The following SLC38A6 variants were observed in gnomAD, a reference collection of about 807,000 sequenced individuals.
SLC38A6 encodes N system amino acid transporter NAT-1.
A neutral mutation model predicts 65.0 loss-of-function variants in SLC38A6; 73 were observed. The ratio of observed to expected loss-of-function variants is 1.12; its 90% CI spans 0.93 to 1.37. The LOEUF is 1.37. SLC38A6 is among the 40% of genes most tolerant of loss of function. The pLI is 0.00. For synonymous variants in SLC38A6, 183 were observed against 178.8 expected, an observed-to-expected ratio of 1.02 and a Z score of -0.19; for missense variants, 561 against 531.1, an observed-to-expected ratio of 1.06 and a Z score of -0.55.
At chr14:61,005,870 G>A (rs1031134152) in intron 3 of SLC38A6, among the ~76,000 whole-genome samples, 2 of 152,126 alleles carry the variant, frequency 1.3e-5, no homozygotes, top group Non-Finnish European at 2.9e-5. Flanking sequence ...GCATTGCCAA[G>A]TCAATCCTAA....
intron 3 of SLC38A6, among the ~76,000 whole-genome samples, chr14:61,006,215 C>G (rs1408141971): frequency 2.6e-5 from 4 of 152,108 alleles, no homozygotes; most frequent in Non-Finnish European, 5.9e-5. Context: ...GATCTAAAAC[C>G]ATAAAAACCC....
chr14:60,988,232 G>C (rs2037598392), intron 3 of SLC38A6, among the ~76,000 whole-genome samples: 1 of 152,084 alleles, frequency 6.6e-6, no homozygotes, highest in Non-Finnish European at 1.5e-5. Context: ...TGTCCTGTTT[G>C]TCCCACATTT....
chr14:60,997,557 G>C (rs1286605622), intron 3 of SLC38A6, among the ~76,000 whole-genome samples: 1 of 152,226 alleles, frequency 6.6e-6, no homozygotes, highest in East Asian at 1.9e-4. Context: ...TAAAGGGATT[G>C]TCTTTCTCAT....
chr14:61,017,622 A>G (rs2040098651), intron 4 of SLC38A6, among the ~76,000 whole-genome samples: 1 of 152,204 alleles, frequency 6.6e-6, no homozygotes, highest in African/African-American at 2.4e-5. Context: ...ACATAACTCT[A>G]AGTATCAACA....
intron 3 of SLC38A6, among the ~76,000 whole-genome samples, chr14:60,985,790 G>T (rs1382003705): frequency 6.6e-6 from 1 of 152,154 alleles, no homozygotes; most frequent in Admixed American, 6.6e-5. Flanking sequence ...CTTATGAGGG[G>T]CTTTTCTGCT....
At chr14:61,040,286 C>T (rs1399171801) in intron 8 of SLC38A6, among the ~76,000 whole-genome samples, 1 of 151,716 alleles carries the variant, frequency 6.6e-6, no homozygotes, top group African/African-American at 2.4e-5. Flanking sequence ...ATTCTTCTGC[C>T]TCAGCTTCCT....
intron 3 of SLC38A6, among the ~76,000 whole-genome samples, chr14:61,014,898 C>T (rs2039877750): frequency 6.6e-6 from 1 of 152,192 alleles, no homozygotes; most frequent in Non-Finnish European, 1.5e-5. Flanking sequence ...AGAACCACTA[C>T]TCTCATCAAA....
At chr14:61,005,365 T>G (rs1215345693) in intron 3 of SLC38A6, among the ~76,000 whole-genome samples, 1 of 62,010 alleles carries the variant, frequency 1.6e-5, no homozygotes, top group African/African-American at 3.1e-5. Flanking sequence ...TAAAGGATAT[T>G]CAATTAGGAA....
chr14:61,050,524 C>T lies in SLC38A6; in HGVS notation c.938C>T (p.Ser313Leu), dbSNP rs1262335238. ...ATTTTATTTACAGACAAAGTGGAGT[C>T]AGAATTACTAAAAGGTTATAGTAAA... ...GYLTFYDKVE[S>L]ELLKGYSKYL... is the part of the protein sequence containing the mutation. The change falls in exon 13 of 16, where the codon TCA (serine) becomes TTA (leucine). Residue 313 changes from serine to leucine, a missense_variant. Ser to Leu is a moderately radical substitution (Grantham distance 145). Transcript: ENST00000267488. 3 of 1,528,456 alleles carry T rather than the reference C, an allele frequency of 2.0e-6. No individual in the cohort carries two copies. The highest frequency in any genetic ancestry group is 1.8e-6 in the Non-Finnish European group (2 of 1,117,286). 94.7% of individuals were successfully genotyped at this position (1,528,456 alleles called of 1,614,324 possible).
chr14:61,065,694 T>C (rs1009692739), intron 15 of SLC38A6, among the ~76,000 whole-genome samples: 2 of 152,214 alleles, frequency 1.3e-5, no homozygotes, highest in East Asian at 3.8e-4. Context: ...GACCCTGAAA[T>C]GATTCATTTT....
intron 10 of SLC38A6, among the ~76,000 whole-genome samples, 195 bp downstream of exon 10, chr14:61,043,698 T>C (rs934212815): frequency 1.7e-4 from 26 of 149,966 alleles, no homozygotes; most frequent in Non-Finnish European, 2.5e-4. Context: ...GCCACCTTTT[T>C]TTTTTTTTTT....
intron 3 of SLC38A6, among the ~76,000 whole-genome samples, chr14:60,992,939 C>T (rs908772603): frequency 2.6e-5 from 4 of 152,058 alleles, no homozygotes; most frequent in Admixed American, 1.3e-4. Context: ...CTCTGCCTCC[C>T]GGGTTCAAGT....
At chr14:61,048,085 A>G in intron 12 of SLC38A6, 1 of 443,550 alleles carries the variant, frequency 2.3e-6, no homozygotes, top group Non-Finnish European at 4.5e-6. Flanking sequence ...GAAGAGGCAG[A>G]TATTGATTTG....
intron 6 of SLC38A6, among the ~76,000 whole-genome samples, chr14:61,035,232 A>C (rs1180093298): frequency 6.6e-6 from 1 of 152,088 alleles, no homozygotes; most frequent in Non-Finnish European, 1.5e-5. Context: ...TACGATAAAG[A>C]AAATTGAGAA....
chr14:61,063,912 C>T (rs1030768713), intron 15 of SLC38A6, among the ~76,000 whole-genome samples: 1 of 152,198 alleles, frequency 6.6e-6, no homozygotes, highest in East Asian at 1.9e-4. Flanking sequence ...AGGTGCAGAC[C>T]AAAACAGACT....
chr14:61,015,473 GA>G (rs1476981063), intron 3 of SLC38A6, among the ~76,000 whole-genome samples: 4 of 151,952 alleles, frequency 2.6e-5, no homozygotes, highest in Admixed American at 2.6e-4. Context: ...TCTGTGTCCG[GA>G]AATAACTTTT....
intron 1 of SLC38A6, 134 bp from the exon 2 acceptor site, chr14:60,982,374 T>A: frequency 8.9e-7 from 1 of 1,120,432 alleles, no homozygotes. Context: ...TAGTGTTGGT[T>A]AAGCAACGAG....
At chr14:61,064,243 C>T (rs962953386) in intron 15 of SLC38A6, among the ~76,000 whole-genome samples, 11 of 152,128 alleles carry the variant, frequency 7.2e-5, no homozygotes, top group Admixed American at 2.6e-4. Context: ...CCAGTCAATC[C>T]GATATCCTAC....
At chr14:61,061,817 G>C (rs572599447) in intron 15 of SLC38A6, among the ~76,000 whole-genome samples, 1 of 51,324 alleles carries the variant, frequency 1.9e-5, no homozygotes, top group South Asian at 4.0e-4. Flanking sequence ...AAGCATTCGT[G>C]TGCAGGTTTT....
Sources: allele counts gnomAD v4.1 joint callset (sites outside exome capture counted in the v4.1 genomes callset), GRCh38; gene constraint gnomAD v4.1.1; transcripts MANE v1.5; gene names NCBI Gene and HGNC (gene_info 2026-07-23, HGNC 2026-07-21).